DNAJB14: variants seen among roughly 807,000 people sequenced by gnomAD.
DNAJB14 encodes the protein dnaJ homolog subfamily B member 14.
In DNAJB14, 22 loss-of-function variants were observed where a neutral mutation model predicts 48.4. That is an observed-to-expected ratio of 0.45 (90% CI 0.32 to 0.65). DNAJB14 has a LOEUF of 0.65. Ranked by LOEUF, DNAJB14 falls within the 30% of genes least tolerant of loss-of-function variation. DNAJB14 has a pLI of 0.03. For missense variants in DNAJB14, 319 were observed against 458.8 expected, an observed-to-expected ratio of 0.70 and a Z score of 2.78; for synonymous variants, 142 against 158.7, an observed-to-expected ratio of 0.89 and a Z score of 0.79.
chr4:99,903,838 G>A lies in DNAJB14; in HGVS notation c.903C>T (p.Asn301=). The change falls in exon 7 of 8, where the codon AAC becomes AAT. Residue 301 remains asparagine, a synonymous_variant. Transcript: ENST00000442697. The part of the protein sequence containing the change: ...TENLGVVYYV[N]KDFKNEYKGM... ...CTTTATATTCATTTTTGAAGTCCTT[G>A]TTGACATAATAAACAACACCCAAGT... 6.2e-7 allele frequency: 1 copy of A among 1,612,546 alleles called. No homozygotes were observed. Among genetic ancestry groups the A allele is most frequent in the Non-Finnish European group, 8.5e-7 (1 of 1,179,314 alleles).
intron 3 of DNAJB14, among the ~76,000 whole-genome samples, chr4:99,909,877 T>C (rs1187008457): frequency 6.6e-6 from 1 of 152,096 alleles, no homozygotes; most frequent in Non-Finnish European, 1.5e-5. Context: ...ATTTACAAGT[T>C]GTAATGCTTT....
chr4:99,902,057 T>G (rs776237553), intron 7 of DNAJB14, among the ~76,000 whole-genome samples: 8 of 152,176 alleles, frequency 5.3e-5, no homozygotes, highest in Non-Finnish European at 1.0e-4. Context: ...CTATGCCTTT[T>G]ATTTACACAT....
chr4:99,907,591 T>C (rs1444584509), intron 4 of DNAJB14, among the ~76,000 whole-genome samples: 2 of 152,082 alleles, frequency 1.3e-5, no homozygotes, highest in East Asian at 1.9e-4. Flanking sequence ...GATGGGAGGA[T>C]TGGTAGAGCC....
At chr4:99,926,186 C>G (rs1465064652) in intron 2 of DNAJB14, 1 of 152,146 alleles carries the variant, frequency 6.6e-6, no homozygotes, top group African/African-American at 2.4e-5. Flanking sequence ...TGAACTTAGC[C>G]TTATCCCAAC....
intron 6 of DNAJB14, among the ~76,000 whole-genome samples, chr4:99,905,026 A>C (rs1454108611): frequency 6.6e-6 from 1 of 151,826 alleles, no homozygotes; most frequent in African/African-American, 2.4e-5. Context: ...TATGCTTCTT[A>C]TTTATTCATG....
In DNAJB14 at chr4:99,898,936, A is replaced by G. The variant is rs1397495219; in HGVS notation, c.*2092T>C. On this transcript the variant is annotated 3_prime_UTR_variant, in exon 8 of 8. Coordinates refer to ENST00000442697, the MANE Select transcript of DNAJB14 (RefSeq NM_001031723.4). ...GACTGAATCTTTACTTGCATACTTC[A>G]TATGTGGCTTAAATTGTCAGGCACT... is the stretch of plus-strand genomic sequence containing the variant. 5 of 151,954 alleles carry G rather than the reference A, an allele frequency of 3.3e-5. No individual in the cohort carries two copies. Among genetic ancestry groups the G allele is most frequent in the Non-Finnish European group, 4.4e-5 (3 of 67,808 alleles). 9.4% of individuals were successfully genotyped at this position (151,954 alleles called of 1,614,324 possible).
At chr4:99,903,340 A>G (rs574163827) in intron 7 of DNAJB14, among the ~76,000 whole-genome samples, 23 of 152,228 alleles carry the variant, frequency 1.5e-4, no homozygotes, top group African/African-American at 5.1e-4. Flanking sequence ...AGCTAAATTA[A>G]TAGAGTTTCA....
At position 99,906,601 on chromosome 4, in the gene DNAJB14, A is replaced by G; in HGVS notation, c.648T>C (p.His216=). 2 of 1,611,434 alleles carry G rather than the reference A, an allele frequency of 1.2e-6. No individual in the cohort carries two copies. Among genetic ancestry groups the G allele is most frequent in the Non-Finnish European group, 1.7e-6 (2 of 1,179,286 alleles). Residue 216 remains histidine, a synonymous_variant, in exon 5 of 8, where the codon CAT becomes CAC. Transcript: ENST00000442697. ...AACCAGCTCTTCCATTTGAAAAAGAATGTACACTACCTAAAAAATTAAAAG... is the reference window on the plus strand; with the variant it reads ...AACCAGCTCTTCCATTTGAAAAAGAGTGTACACTACCTAAAAAATTAAAAG... The part of the protein sequence containing the change: ...FGGGFPSGSV[H]SFSNGRAGYS...
chr4:99,939,780 C>T (rs2110224421), intron 1 of DNAJB14, among the ~76,000 whole-genome samples: 1 of 152,344 alleles, frequency 6.6e-6, no homozygotes, highest in East Asian at 1.9e-4. Flanking sequence ...CTAATAATCA[C>T]TGGAACTGAT....
At chr4:99,918,110 T>G (rs1725921790) in intron 3 of DNAJB14, among the ~76,000 whole-genome samples, 1 of 152,194 alleles carries the variant, frequency 6.6e-6, no homozygotes, top group South Asian at 2.1e-4. Context: ...CACCTAAATA[T>G]TAGATCTTTT....
rs1306126794 is a variant in DNAJB14, at chr4:99,899,419, A to T, written c.*1609T>A. The T allele has an allele frequency of 6.7e-5, 10 of 149,358 alleles. No individual in the cohort carries two copies. The highest frequency in any genetic ancestry group is 6.3e-4 in the South Asian group (3 of 4,742). The allele number at this position is 149,358 out of a possible 1,614,324, so 9.3% of individuals were successfully genotyped here. A position where few individuals can be genotyped will look rare whatever the true frequency, so the allele number is the denominator to read the frequency against. On this transcript the variant is annotated 3_prime_UTR_variant, in exon 8 of 8. Transcript: ENST00000442697. ...GCTTTTTTTTTTTTTTTAAGGTAAC[A>T]TTTCTAAGAGCAAGTTGGTTAAGCT...
intron 3 of DNAJB14, among the ~76,000 whole-genome samples, chr4:99,912,527 T>A (rs1286684214): frequency 6.6e-6 from 1 of 152,130 alleles, no homozygotes; most frequent in Non-Finnish European, 1.5e-5. Flanking sequence ...TTGTCCTGGC[T>A]GGAGCGCAAC....
At chr4:99,916,889 C>G (rs1186070095) in intron 3 of DNAJB14, among the ~76,000 whole-genome samples, 2 of 152,064 alleles carry the variant, frequency 1.3e-5, no homozygotes, top group African/African-American at 4.8e-5. Context: ...AATCCCAGCA[C>G]TTTGGGAGGC....
chr4:99,925,788 A>T (rs1158590833), intron 2 of DNAJB14: 1 of 152,200 alleles, frequency 6.6e-6, no homozygotes, highest in Non-Finnish European at 1.5e-5. Flanking sequence ...AAAATAAAGA[A>T]GCTAATAGAA....
chr4:99,938,960 G>A (rs1469497992), intron 1 of DNAJB14, among the ~76,000 whole-genome samples: 4 of 152,036 alleles, frequency 2.6e-5, no homozygotes, highest in African/African-American at 7.2e-5. Context: ...CATAAGACAG[G>A]TGGAGGAGGA....
chr4:99,911,931 T>C (rs531343205), intron 3 of DNAJB14, among the ~76,000 whole-genome samples: 2 of 152,324 alleles, frequency 1.3e-5, no homozygotes, highest in South Asian at 4.1e-4. Flanking sequence ...TACTGTGCTT[T>C]TGGGATTAAG....
intron 3 of DNAJB14, among the ~76,000 whole-genome samples, chr4:99,915,918 G>A (rs1725837970): frequency 6.6e-6 from 1 of 152,050 alleles, no homozygotes; most frequent in Non-Finnish European, 1.5e-5. Flanking sequence ...GTCTTTCGGT[G>A]CATATACATT....
In DNAJB14 at chr4:99,898,832, C is replaced by G. The variant is rs142846359; in HGVS notation, c.*2196G>C. 299 of 152,030 alleles carry G rather than the reference C, an allele frequency of 2.0e-3. 3 individuals carry two copies. Among genetic ancestry groups the G allele is most frequent in the African/African-American group, 6.6e-3 (273 of 41,552 alleles). 9.4% of individuals were successfully genotyped at this position (152,030 alleles called of 1,614,324 possible). On this transcript the variant is annotated 3_prime_UTR_variant, in exon 8 of 8. Coordinates refer to ENST00000442697, the MANE Select transcript of DNAJB14 (RefSeq NM_001031723.4). ...AAAATCTTTTATCAAGATATCCAAA[C>G]TCTTCTTACTTTATAAAGTTAACTC...
chr4:99,944,612 C>T (rs532230197), intron 1 of DNAJB14, among the ~76,000 whole-genome samples: 1 of 148,660 alleles, frequency 6.7e-6, no homozygotes, highest in African/African-American at 2.5e-5. Context: ...CTCGCTGTGT[C>T]GCCCAGGCTG....
Sources: gnomAD v4.1 joint callset for allele counts (sites outside exome capture counted in the v4.1 genomes callset) on GRCh38, gnomAD v4.1.1 for gene constraint, MANE v1.5 for transcripts, NCBI Gene and HGNC (gene_info 2026-07-23, HGNC 2026-07-21) for gene names.